Variants in KIFAP3 observed in about 807,000 individuals in gnomAD.
KIFAP3 encodes the protein kinesin-associated protein 3.
In KIFAP3, 68 loss-of-function variants were observed where a neutral mutation model predicts 106.5. That is an observed-to-expected ratio of 0.64 (90% confidence interval 0.53 to 0.78). The LOEUF is 0.78. KIFAP3 is among the 30% of genes least tolerant of loss of function. The pLI, the probability that KIFAP3 is intolerant of heterozygous loss-of-function variation, is 0.00. For missense variants in KIFAP3, 780 were observed against 941.8 expected, an observed-to-expected ratio of 0.83 and a Z score of 2.25; for synonymous variants, 320 against 311.5, an observed-to-expected ratio of 1.03 and a Z score of -0.29.
chr1:169,983,951 T>C (rs1449478466), intron 12 of KIFAP3, among the ~76,000 whole-genome samples: 1 of 151,820 alleles, frequency 6.6e-6, no homozygotes, highest in Admixed American at 6.6e-5. Context: ...TTAACAAATA[T>C]GCTTTATAAA....
intron 17 of KIFAP3, among the ~76,000 whole-genome samples, chr1:169,967,312 T>C (rs1185062015): frequency 6.6e-6 from 1 of 151,824 alleles, no homozygotes; most frequent in Non-Finnish European, 1.5e-5. Context: ...AACTTTCCTT[T>C]TTTATTTTTT....
chr1:170,050,021 A>G (rs537147145), intron 2 of KIFAP3, among the ~76,000 whole-genome samples: 2 of 152,278 alleles, frequency 1.3e-5, no homozygotes, highest in African/African-American at 4.8e-5. Context: ...TAGGCATCAG[A>G]AGGTGGGTAA....
At chr1:169,933,474 A>G (rs888621055) in intron 19 of KIFAP3, among the ~76,000 whole-genome samples, 2 of 152,076 alleles carry the variant, frequency 1.3e-5, no homozygotes, top group African/African-American at 4.8e-5. Context: ...CTGCTCAGGT[A>G]TAAGACTATA....
chr1:170,047,705 C>T (rs1402381201), intron 2 of KIFAP3, among the ~76,000 whole-genome samples: 1 of 149,080 alleles, frequency 6.7e-6, no homozygotes, highest in African/African-American at 2.5e-5. Flanking sequence ...ACATTTTATA[C>T]TTAAGTTAGT....
At chr1:169,962,335 T>C (rs978252700) in intron 17 of KIFAP3, among the ~76,000 whole-genome samples, 2 of 152,130 alleles carry the variant, frequency 1.3e-5, no homozygotes, top group African/African-American at 4.8e-5. Context: ...AACAGGCAAA[T>C]TACTGTAAGC....
intron 10 of KIFAP3, among the ~76,000 whole-genome samples, chr1:170,002,151 A>T (rs2101962877): frequency 6.6e-6 from 1 of 152,284 alleles, no homozygotes; most frequent in African/African-American, 2.4e-5. Flanking sequence ...GAAGAAATCA[A>T]ACATTTGTCA....
intron 1 of KIFAP3, among the ~76,000 whole-genome samples, chr1:170,056,850 T>C (rs1189140770): frequency 1.3e-5 from 2 of 151,740 alleles, no homozygotes; most frequent in Non-Finnish European, 2.9e-5. Context: ...GTAAGACATA[T>C]AGGACAAGTA....
At chr1:170,077,429 T>G (rs138831559), upstream of KIFAP3, among the ~76,000 whole-genome samples, 937 of 152,296 alleles carry the variant, frequency 6.2e-3, 5 homozygotes, top group African/African-American at 0.021. Flanking sequence ...ATTTGAAATA[T>G]TCACACAATA....
At chr1:169,993,273 A>AT (rs1356584487) in intron 10 of KIFAP3, among the ~76,000 whole-genome samples, 1 of 151,494 alleles carries the variant, frequency 6.6e-6, no homozygotes, top group Non-Finnish European at 1.5e-5. Context: ...CACCTGGCTA[A>AT]TTTTTTATTT....
chr1:170,039,228 C>A lies in KIFAP3; in HGVS notation c.375+5G>T. On this transcript the variant is annotated splice_donor_5th_base_variant and intron_variant, in intron 4 of 19. Coordinates refer to ENST00000361580, the MANE Select transcript of KIFAP3 (RefSeq NM_014970.4). ...TCTATTAGATCAGAATGCATGCAGTCTTACCTCCATTCCTTCAAAAGGAGG... is the reference window on the plus strand; with the variant it reads ...TCTATTAGATCAGAATGCATGCAGTATTACCTCCATTCCTTCAAAAGGAGG... 1 of 1,585,164 alleles carries A rather than the reference C, an allele frequency of 6.3e-7. No individual in the cohort carries two copies. Among genetic ancestry groups the A allele is most frequent in the South Asian group, 1.1e-5 (1 of 87,876 alleles).
At chr1:169,949,078 T>C (rs915905507) in intron 19 of KIFAP3, among the ~76,000 whole-genome samples, 1 of 151,884 alleles carries the variant, frequency 6.6e-6, no homozygotes, top group Non-Finnish European at 1.5e-5. Flanking sequence ...TTTAAAGAAA[T>C]AATTTTTTAG....
intron 11 of KIFAP3, among the ~76,000 whole-genome samples, chr1:169,990,572 C>A (rs192936264): frequency 7.1e-4 from 108 of 151,862 alleles, no homozygotes; most frequent in African/African-American, 2.4e-3. Flanking sequence ...AAAAATCAGC[C>A]CAAATAGTGT....
At chr1:170,071,353 G>A (rs1671693331) in intron 1 of KIFAP3, among the ~76,000 whole-genome samples, 1 of 152,100 alleles carries the variant, frequency 6.6e-6, no homozygotes, top group Non-Finnish European at 1.5e-5. Context: ...CACCAGATGA[G>A]CAATAAACAA....
intron 17 of KIFAP3, among the ~76,000 whole-genome samples, chr1:169,971,298 A>G (rs1665907328): frequency 6.6e-6 from 1 of 151,986 alleles, no homozygotes; most frequent in African/African-American, 2.4e-5. Context: ...TTCTTATACT[A>G]TATACTTTAT....
chr1:170,041,679 T>A, intron 3 of KIFAP3: 1 of 1,534,574 alleles, frequency 6.5e-7, no homozygotes, highest in Non-Finnish European at 8.7e-7. Flanking sequence ...TTACCGACCT[T>A]CACATAAGCT....
chr1:169,950,425 T>C (rs554060), intron 19 of KIFAP3, among the ~76,000 whole-genome samples: 9,871 of 152,214 alleles, frequency 0.065, 412 homozygotes, highest in Non-Finnish European at 0.097. Context: ...CTTGACAGTG[T>C]TTATTTATCA....
chr1:169,984,557 G>A, intron 12 of KIFAP3, 25 bp downstream of exon 12: 1 of 1,194,466 alleles, frequency 8.4e-7, no homozygotes, highest in Non-Finnish European at 1.2e-6. Context: ...TGCTAAAAAA[G>A]TTACCTACAC....
chr1:170,033,898 T>C (rs1361765523), intron 7 of KIFAP3, among the ~76,000 whole-genome samples: 3 of 151,868 alleles, frequency 2.0e-5, no homozygotes, highest in African/African-American at 7.2e-5. Flanking sequence ...TCTATAGGCC[T>C]TTCAAATTTT....
chr1:170,067,734 G>A (rs1671514792), intron 1 of KIFAP3: 1 of 152,258 alleles, frequency 6.6e-6, no homozygotes, highest in South Asian at 2.1e-4. Flanking sequence ...TGCAGTCACT[G>A]AAATCAGTGA....
Sources: gnomAD v4.1 joint callset for allele counts (sites outside exome capture counted in the v4.1 genomes callset) on GRCh38, gnomAD v4.1.1 for gene constraint, MANE v1.5 for transcripts, NCBI Gene and HGNC (gene_info 2026-07-23, HGNC 2026-07-21) for gene names.